ZFHX3: variants seen among roughly 807,000 people sequenced by gnomAD.
The protein encoded by ZFHX3 is zinc finger homeobox protein 3.
Under a neutral mutation model 279.1 loss-of-function variants are expected in ZFHX3, and 42 were observed. The observed-to-expected ratio is 0.15, with a 90% confidence interval of 0.12 to 0.19. The LOEUF is 0.19. Among genes scored for constraint, ZFHX3 ranks in the 10% least tolerant of loss-of-function variants. The pLI is 1.00. For missense variants in ZFHX3, 4,981 were observed against 4,754.0 expected (o/e 1.05, Z -1.40); for synonymous variants, 2,293 against 1,957.8 (o/e 1.17, Z -4.52).
intron 2 of ZFHX3, among the ~76,000 whole-genome samples, chr16:73,600,663 G>A (rs974628459): frequency 4.6e-5 from 7 of 151,838 alleles, no homozygotes; most frequent in East Asian, 1.9e-4. Flanking sequence ...CTCGTGATCC[G>A]CCCGCCTCGG....
At chr16:72,948,190 A>G (rs1319364699) in intron 3 of ZFHX3, among the ~76,000 whole-genome samples, 3 of 152,282 alleles carry the variant, frequency 2.0e-5, no homozygotes, top group Middle Eastern at 3.4e-3. Context: ...GACTAATGAG[A>G]CTAGACTAAT....
At chr16:73,843,123 T>G (rs568248792) in intron 1 of ZFHX3, among the ~76,000 whole-genome samples, 184 of 152,356 alleles carry the variant, frequency 1.2e-3, no homozygotes, top group African/African-American at 4.3e-3. Flanking sequence ...GTAAACATTG[T>G]GCTTAATTGT....
chr16:73,688,290 G>C (rs1262568533), intron 1 of ZFHX3, among the ~76,000 whole-genome samples: 1 of 150,964 alleles, frequency 6.6e-6, no homozygotes, highest in East Asian at 1.9e-4. Context: ...CCGGGAGGCA[G>C]AGGTTGCAGT....
At chr16:73,687,023 T>G in intron 1 of ZFHX3, among the ~76,000 whole-genome samples, 1 of 28,590 alleles carries the variant, frequency 3.5e-5, no homozygotes, top group South Asian at 1.3e-3. Context: ...TATATATATA[T>G]ATATATATAT....
intron 1 of ZFHX3, among the ~76,000 whole-genome samples, chr16:72,996,458 C>T (rs965821797): frequency 6.6e-6 from 1 of 152,202 alleles, no homozygotes; most frequent in African/African-American, 2.4e-5. Context: ...CACCAAGCAG[C>T]CAAGAAGCTG....
At chr16:72,855,295 G>A (rs8046332) in intron 4 of ZFHX3, among the ~76,000 whole-genome samples, 80,669 of 152,116 alleles carry the variant, frequency 0.53, 22,126 homozygotes, top group Middle Eastern at 0.64. Flanking sequence ...TCAGCCATCA[G>A]GATCCCCCAA....
chr16:73,792,092 C>T (rs1959841442), intron 1 of ZFHX3, among the ~76,000 whole-genome samples: 1 of 152,168 alleles, frequency 6.6e-6, no homozygotes, highest in Non-Finnish European at 1.5e-5. Context: ...GCCAACTAGC[C>T]ATTCTTCATA....
intron 2 of ZFHX3, among the ~76,000 whole-genome samples, chr16:73,648,717 C>T (rs866570728): frequency 2.6e-5 from 4 of 152,138 alleles, no homozygotes; most frequent in Admixed American, 6.5e-5. Context: ...CACCCCAGTT[C>T]GCTAATTTTA....
chr16:73,771,417 C>T (rs2054016428), intron 1 of ZFHX3, among the ~76,000 whole-genome samples: 1 of 152,160 alleles, frequency 6.6e-6, no homozygotes, highest in Non-Finnish European at 1.5e-5. Flanking sequence ...ATGAGGAGGG[C>T]ATGGACAAAT....
intron 2 of ZFHX3, chr16:73,483,351 A>AAG (rs3087036): frequency 0.44 from 190,333 of 432,408 alleles, 27,244 homozygotes; most frequent in East Asian, 0.76. Context: ...GAGAGAGAGA[A>AAG]AGAGAGAGAG....
chr16:72,885,610 T>C (rs995065405), intron 4 of ZFHX3, among the ~76,000 whole-genome samples: 3 of 152,036 alleles, frequency 2.0e-5, no homozygotes, highest in Admixed American at 2.0e-4. Flanking sequence ...TATTGCAGAG[T>C]TCACCCCTCC....
rs1023582130 is a variant in ZFHX3, at chr16:73,425,857, A to G, written c.-1291+30146T>C. On this transcript the variant is annotated intron_variant, in intron 3 of 17. Coordinates refer to the ZFHX3 transcript ENST00000641206. ...CAAACCACTACCAGATTAAGGGACC[A>G]TATCTTGTTCACTCTTGGAACACAG... Among the ~76,000 whole-genome samples, 10 of 152,272 alleles carry G rather than the reference A, an allele frequency of 6.6e-5. No individual in the cohort carries two copies. In the South Asian group the frequency reaches 1.9e-3, roughly 28 times the overall value.
chr16:73,351,218 C>T (rs2016235099), intron 3 of ZFHX3, among the ~76,000 whole-genome samples: 1 of 152,184 alleles, frequency 6.6e-6, no homozygotes, highest in Non-Finnish European at 1.5e-5. Flanking sequence ...GAGCCTGCTG[C>T]TAGTACTGTC....
At chr16:73,389,511 G>T (rs1052831178) in intron 3 of ZFHX3, among the ~76,000 whole-genome samples, 5 of 152,138 alleles carry the variant, frequency 3.3e-5, no homozygotes, top group South Asian at 2.1e-4. Flanking sequence ...TAATTAGAAG[G>T]CGTATTTTAG....
At chr16:73,699,770 T>C (rs1343527854) in intron 1 of ZFHX3, among the ~76,000 whole-genome samples, 1 of 152,160 alleles carries the variant, frequency 6.6e-6, no homozygotes, top group East Asian at 1.9e-4. Flanking sequence ...CTTGTACTTT[T>C]ACACACCAGT....
intron 5 of ZFHX3, among the ~76,000 whole-genome samples, chr16:73,234,199 C>G (rs773023718): frequency 6.6e-6 from 1 of 152,160 alleles, no homozygotes; most frequent in Non-Finnish European, 1.5e-5. Context: ...ATGTTCAATG[C>G]TGCAAGGCAG....
At chr16:73,335,969 T>C (rs1005849936) in intron 3 of ZFHX3, among the ~76,000 whole-genome samples, 1 of 152,230 alleles carries the variant, frequency 6.6e-6, no homozygotes, top group Non-Finnish European at 1.5e-5. Context: ...ACAGATTCTT[T>C]TTCTTCTAGT....
intron 3 of ZFHX3, among the ~76,000 whole-genome samples, chr16:72,922,507 G>T (rs908520739): frequency 3.3e-5 from 5 of 152,060 alleles, no homozygotes; most frequent in Non-Finnish European, 7.4e-5. Context: ...AGACAGAAAG[G>T]GCCACCATCA....
At chr16:73,399,522 C>T (rs561105355) in intron 3 of ZFHX3, among the ~76,000 whole-genome samples, 1 of 152,292 alleles carries the variant, frequency 6.6e-6, no homozygotes, top group African/African-American at 2.4e-5. Flanking sequence ...CTCTACCACA[C>T]CTATTTCATT....
Sources: gnomAD v4.1 joint callset for allele counts (sites outside exome capture counted in the v4.1 genomes callset) on GRCh38, gnomAD v4.1.1 for gene constraint, MANE v1.5 for transcripts, NCBI Gene and HGNC (gene_info 2026-07-23, HGNC 2026-07-21) for gene names.